Variants in GRIA2 observed in about 807,000 individuals in gnomAD.
The protein encoded by GRIA2 is glutamate receptor 2.
In GRIA2, 14 loss-of-function variants were observed where a neutral mutation model predicts 97.3. That is an observed-to-expected ratio of 0.14 (90% CI 0.10 to 0.23). GRIA2 has a LOEUF of 0.23. GRIA2 is among the 10% of genes least tolerant of loss of function. The pLI, the probability that GRIA2 is intolerant of heterozygous loss-of-function variation, is 1.00. For synonymous variants in GRIA2, 412 were observed against 387.8 expected, an observed-to-expected ratio of 1.06 and a Z score of -0.73; for missense variants, 558 against 1,069.8, an observed-to-expected ratio of 0.52 and a Z score of 6.67.
At chr4:157,310,713 A>T in intron 3 of GRIA2, among the ~76,000 whole-genome samples, 1 of 152,122 alleles carries the variant, frequency 6.6e-6, no homozygotes, top group East Asian at 1.9e-4. Flanking sequence ...GAAGCAAAAT[A>T]AAAATGAGAT....
intron 2 of GRIA2, among the ~76,000 whole-genome samples, chr4:157,268,928 G>A (rs1193961446): frequency 2.0e-5 from 3 of 152,082 alleles, no homozygotes; most frequent in Admixed American, 6.6e-5. Context: ...ATGGGCATGG[G>A]TTGGAGAGAA....
At chr4:157,220,727 T>C (rs1246869365), upstream of GRIA2, 1 of 378,154 alleles carries the variant, frequency 2.6e-6, no homozygotes, top group Non-Finnish European at 4.8e-6. Context: ...CGAGAGAGGG[T>C]GAGTGTGTGT....
At chr4:157,320,552 A>T (rs1268766676) in intron 5 of GRIA2, among the ~76,000 whole-genome samples, 1 of 152,104 alleles carries the variant, frequency 6.6e-6, no homozygotes, top group African/African-American at 2.4e-5. Context: ...ATTGTGAGCC[A>T]ATAAAAAGTA....
intron 2 of GRIA2, among the ~76,000 whole-genome samples, chr4:157,275,298 T>C (rs1030601627): frequency 9.9e-5 from 15 of 152,172 alleles, no homozygotes; most frequent in African/African-American, 3.1e-4. Flanking sequence ...GTTGCAAAAA[T>C]TTTCTCCCAT....
intron 2 of GRIA2, among the ~76,000 whole-genome samples, chr4:157,267,359 T>C (rs928269336): frequency 7.8e-6 from 1 of 127,810 alleles, no homozygotes; most frequent in Non-Finnish European, 1.5e-5. Flanking sequence ...ACCACTGCAC[T>C]CCAGCCTGGG....
At chr4:157,308,551 T>G (rs1248385905) in intron 3 of GRIA2, among the ~76,000 whole-genome samples, 1 of 152,184 alleles carries the variant, frequency 6.6e-6, no homozygotes, top group Non-Finnish European at 1.5e-5. Flanking sequence ...CAGTTTTGTT[T>G]TAAGTAATTC....
At chr4:157,346,487 T>G (rs1023812867) in intron 12 of GRIA2, among the ~76,000 whole-genome samples, 1 of 152,170 alleles carries the variant, frequency 6.6e-6, no homozygotes, top group African/African-American at 2.4e-5. Flanking sequence ...ATGATACATA[T>G]GTATATATCT....
At chr4:157,298,791 A>G (rs1236289986) in intron 2 of GRIA2, among the ~76,000 whole-genome samples, 4 of 151,920 alleles carry the variant, frequency 2.6e-5, no homozygotes, top group Non-Finnish European at 5.9e-5. Flanking sequence ...ACCTAACACT[A>G]TGCTTGTCAC....
intron 4 of GRIA2, among the ~76,000 whole-genome samples, chr4:157,314,665 A>G (rs1410170685): frequency 1.3e-5 from 2 of 152,172 alleles, no homozygotes; most frequent in Non-Finnish European, 2.9e-5. Flanking sequence ...ATAAAAATAT[A>G]TTTTTCCAAA....
intron 2 of GRIA2, among the ~76,000 whole-genome samples, chr4:157,258,868 G>A (rs534172638): frequency 6.6e-5 from 10 of 152,074 alleles, no homozygotes; most frequent in South Asian, 4.1e-4. Flanking sequence ...GGGTTCCCCC[G>A]ATAAGTTCCA....
intron 2 of GRIA2, among the ~76,000 whole-genome samples, chr4:157,285,581 G>GTGTA (rs1377795692): frequency 6.6e-6 from 1 of 151,140 alleles, no homozygotes; most frequent in East Asian, 1.9e-4. Flanking sequence ...GTGTGTGTGT[G>GTGTA]TGTAAGGCTT....
At chr4:157,237,437 G>C (rs1379233348) in intron 2 of GRIA2, among the ~76,000 whole-genome samples, 2 of 151,988 alleles carry the variant, frequency 1.3e-5, no homozygotes, top group Non-Finnish European at 2.9e-5. Context: ...TGGGACTACA[G>C]GCACATGCCA....
chr4:157,273,467 A>T (rs975433536), intron 2 of GRIA2, among the ~76,000 whole-genome samples: 1 of 152,124 alleles, frequency 6.6e-6, no homozygotes, highest in Non-Finnish European at 1.5e-5. Context: ...TAATATGCTA[A>T]GGGCTTCAAT....
At chr4:157,271,200 A>C (rs1732008831) in intron 2 of GRIA2, among the ~76,000 whole-genome samples, 1 of 152,146 alleles carries the variant, frequency 6.6e-6, no homozygotes, top group East Asian at 1.9e-4. Context: ...GTTTCCCTAC[A>C]CACCAAGCAA....
intron 2 of GRIA2, among the ~76,000 whole-genome samples, chr4:157,297,774 A>G (rs568714000): frequency 5.5e-5 from 8 of 145,232 alleles, no homozygotes; most frequent in African/African-American, 1.6e-4. Context: ...CATTTTATGT[A>G]TTTCTTTTTT....
In GRIA2 at chr4:157,363,457, G is replaced by A; in HGVS notation, c.*26G>A. 1.6e-6 allele frequency: 2 copies of A among 1,242,320 alleles called. No individual in the cohort carries two copies. Among genetic ancestry groups the A allele is most frequent in the Non-Finnish European group, 2.0e-6 (2 of 992,054 alleles). 77.0% of individuals were successfully genotyped at this position (1,242,320 alleles called of 1,614,324 possible). The stretch of plus-strand genomic sequence containing the variant: ...AAGATGACCTTGAATGATGCCATGA[G>A]GAACAAGGCAAGGCTGTCAATTACA... On this transcript the variant is annotated 3_prime_UTR_variant, in exon 16 of 16. Transcript: ENST00000264426.
At chr4:157,356,845 C>T (rs944789867) in intron 12 of GRIA2, among the ~76,000 whole-genome samples, 1 of 152,014 alleles carries the variant, frequency 6.6e-6, no homozygotes, top group African/African-American at 2.4e-5. Flanking sequence ...ATCAGGTAGA[C>T]CACAAATATA....
intron 2 of GRIA2, among the ~76,000 whole-genome samples, chr4:157,250,705 G>A (rs1324750877): frequency 6.6e-6 from 1 of 152,082 alleles, no homozygotes; most frequent in East Asian, 1.9e-4. Context: ...AGGCCCATTT[G>A]CTACTTGGTA....
intron 12 of GRIA2, chr4:157,342,022 T>C (rs1735571280): frequency 1.9e-6 from 1 of 514,350 alleles, no homozygotes; most frequent in African/African-American, 2.1e-5. Context: ...TGTAGGTTAC[T>C]TTTTTCTTTT....
Sources: allele counts gnomAD v4.1 joint callset (sites outside exome capture counted in the v4.1 genomes callset), GRCh38; gene constraint gnomAD v4.1.1; transcripts MANE v1.5; gene names NCBI Gene and HGNC (gene_info 2026-07-23, HGNC 2026-07-21).